Variants in RCVRN observed in about 807,000 individuals in gnomAD.
RCVRN encodes recoverin.
RCVRN carries 23 observed loss-of-function variants against 20.4 expected under a neutral mutation model. The observed-to-expected ratio is 1.13, with a 90% confidence interval of 0.81 to 1.60. The LOEUF (loss-of-function observed/expected upper bound fraction) is 1.60. RCVRN is among the 40% of genes most tolerant of loss of function. The probability of loss-of-function intolerance (pLI) is 0.00; values close to 1 mark genes in which losing one functional copy is unlikely to be tolerated. For synonymous variants in RCVRN, 105 were observed against 105.9 expected, an observed-to-expected ratio of 0.99 and a Z score of 0.05; for missense variants, 254 against 254.2, an observed-to-expected ratio of 1.00 and a Z score of 0.00.
chr17:9,901,567 G>C (rs1012285192), intron 1 of RCVRN, among the ~76,000 whole-genome samples: 5 of 152,202 alleles, frequency 3.3e-5, no homozygotes, highest in Admixed American at 2.6e-4. Context: ...CCTGGTGCTG[G>C]ATAAAGGAGT....
chr17:9,898,202 T>C lies in RCVRN; in HGVS notation c.496A>G (p.Lys166Glu). Reference protein sequence around the residue: ...WKYFGKNDDDKLTEKEFIEGT... With the variant: ...WKYFGKNDDDELTEKEFIEGT... ...TCAATGAATTCTTTCTCTGTAAGTTTATCTGTGCATTGGGAAAAAATATAT... is the reference window on the plus strand; with the variant it reads ...TCAATGAATTCTTTCTCTGTAAGTTCATCTGTGCATTGGGAAAAAATATAT... The change falls in exon 3 of 3, where the codon AAA becomes GAA. Residue 166 changes from lysine (K) to glutamate (E), a missense_variant and splice_region_variant. Lys to Glu is a moderately conservative substitution (Grantham distance 56). Transcript: ENST00000226193. 6.3e-7 allele frequency: 1 copy of C among 1,598,798 alleles called. No individual in the cohort carries two copies.
rs2067326243 is a variant in RCVRN at position 9,898,073 on chromosome 17, G to C, written c.*22C>G. 1 of 1,547,700 alleles carries C rather than the reference G, an allele frequency of 6.5e-7. No individual in the cohort carries two copies. The highest frequency in any genetic ancestry group is 8.9e-7 in the Non-Finnish European group (1 of 1,119,776). On this transcript the variant is annotated 3_prime_UTR_variant, in exon 3 of 3. Coordinates refer to ENST00000226193, the MANE Select transcript of RCVRN (RefSeq NM_002903.3). ...GTGTCATGTGAGTGGTAGGTGGAGGGAGGACAGCTGAACAGTTGGCATCAG... is the reference window on the plus strand; with the variant it reads ...GTGTCATGTGAGTGGTAGGTGGAGGCAGGACAGCTGAACAGTTGGCATCAG...
rs1298622689 is a variant in RCVRN, at chr17:9,899,178, C to T, written c.494-974G>A. Among the ~76,000 whole-genome samples the T allele has an allele frequency of 6.6e-6, 1 of 152,180 alleles. No individual in the cohort carries two copies. Among genetic ancestry groups the T allele is most frequent in the Non-Finnish European group, 1.5e-5 (1 of 68,014 alleles). On this transcript the variant is annotated intron_variant, in intron 2 of 2. Coordinates refer to ENST00000226193, the MANE Select transcript of RCVRN (RefSeq NM_002903.3). The surrounding 1 kb of genome is among the most constrained non-coding windows in gnomAD (Gnocchi z 4.6). ...CACAGTGCCTAGCACAGAGTCGGTG[C>T]TCAACAAAGCTTTGCTGAACTGAAT...
At chr17:9,903,244 T>C (rs549988061) in intron 1 of RCVRN, among the ~76,000 whole-genome samples, 104 of 152,358 alleles carry the variant, frequency 6.8e-4, no homozygotes, top group Admixed American at 6.8e-3. Context: ...GTTACTTTTA[T>C]ATCAGATAAA....
chr17:9,901,350 A>G, intron 1 of RCVRN: 1 of 368,296 alleles, frequency 2.7e-6, no homozygotes, highest in Non-Finnish European at 4.9e-6. Flanking sequence ...AACAAGCAGG[A>G]TAGCATCACA....
chr17:9,905,099 G>GCTC lies in RCVRN; in HGVS notation c.79_81dup (p.Glu27dup). The GCTC allele has an allele frequency of 6.2e-7, 1 of 1,610,190 alleles. No homozygotes were observed. The highest frequency in any genetic ancestry group is 8.5e-7 in the Non-Finnish European group (1 of 1,178,306). Reference sequence around the variant, plus strand: ...AGGAAGGACTGGTACCAGGAGCACAGCTCCTCCTCCGAGAACTTGGTGTTC... The same window carrying GCTC: ...AGGAAGGACTGGTACCAGGAGCACAGCTCCTCCTCCTCCGAGAACTTGGTGTTC... On this transcript the variant is annotated inframe_insertion, in exon 1 of 3. Coordinates refer to ENST00000226193, the MANE Select transcript of RCVRN (RefSeq NM_002903.3).
At position 9,905,223 on chromosome 17, in the gene RCVRN, G is replaced by A. The variant is rs1432221497; in HGVS notation, c.-43C>T. 6.4e-7 allele frequency: 1 copy of A among 1,553,380 alleles called. No individual in the cohort carries two copies. Among genetic ancestry groups the A allele is most frequent in the South Asian group, 1.2e-5 (1 of 80,632 alleles). ...CAGCGGCTGGGGAGTCGCTGGGTGG[G>A]TGGGACGTGCGTGGTCCCCTGGCCG... On this transcript the variant is annotated 5_prime_UTR_variant, in exon 1 of 3. Transcript: ENST00000226193.
In RCVRN at chr17:9,898,307, G is replaced by C; in HGVS notation, c.494-103C>G. On this transcript the variant is annotated intron_variant, in intron 2 of 2. Transcript: ENST00000226193. The stretch of plus-strand genomic sequence containing the variant: ...TCTAGCCAGTATCCCCAGTGTGAAT[G>C]TATCTATTATAAGAATATTGAATAC... 4.0e-6 allele frequency: 3 copies of C among 746,546 alleles called. No individual in the cohort carries two copies. The South Asian group carries it at 4.4e-5, about 11-fold the overall frequency. The allele number at this position is 746,546 out of a possible 1,614,324, so 46.2% of individuals were successfully genotyped here.
chr17:9,904,692 C>A lies in RCVRN; in HGVS notation c.381+108G>T. 1 of 1,308,738 alleles carries A rather than the reference C, an allele frequency of 7.6e-7. No homozygotes were observed. The highest frequency in any genetic ancestry group is 1.1e-6 in the Non-Finnish European group (1 of 938,598). 81.1% of individuals were successfully genotyped at this position (1,308,738 alleles called of 1,614,324 possible). A position where few individuals can be genotyped will look rare whatever the true frequency, so the allele number is the denominator to read the frequency against. On this transcript the variant is annotated intron_variant, in intron 1 of 2. Coordinates refer to ENST00000226193, the MANE Select transcript of RCVRN (RefSeq NM_002903.3). This position sits in a 1 kb window ranked among gnomAD's most constrained non-coding sequence, Gnocchi z 5.8. ...GCTCTCAGAGCCAGTGGCCCGCATC[C>A]CCCGCTCCACCCACAGATCCACTCC...
Position 9,898,065 on chromosome 17 carries a change from G to A in RCVRN, c.*30C>T, listed in dbSNP as rs750490916. 14 of 1,484,466 alleles carry A rather than the reference G, an allele frequency of 9.4e-6. No individual in the cohort carries two copies. 92.0% of individuals were successfully genotyped at this position (1,484,466 alleles called of 1,614,324 possible). ...GCTCACGGGTGTCATGTGAGTGGTA[G>A]GTGGAGGGAGGACAGCTGAACAGTT... On this transcript the variant is annotated 3_prime_UTR_variant, in exon 3 of 3. Coordinates refer to ENST00000226193, the MANE Select transcript of RCVRN (RefSeq NM_002903.3).
In RCVRN at chr17:9,904,767, C is replaced by T. The variant is rs373497820; in HGVS notation, c.381+33G>A. ...CCCCCAGCCCGGAGCGACCCCGGCACCGCCCAGCCAGAAGGGGAGAGGGGA... is the reference window on the plus strand; with the variant it reads ...CCCCCAGCCCGGAGCGACCCCGGCATCGCCCAGCCAGAAGGGGAGAGGGGA... On this transcript the variant is annotated intron_variant, in intron 1 of 2. Transcript: ENST00000226193. This position sits in a 1 kb window ranked among gnomAD's most constrained non-coding sequence, Gnocchi z 5.8. The T allele has an allele frequency of 8.8e-5, 141 of 1,593,416 alleles. No individual in the cohort carries two copies. Among genetic ancestry groups the T allele is most frequent in the Non-Finnish European group, 1.1e-4 (133 of 1,167,696 alleles).
rs1247312172 is a variant in RCVRN at position 9,899,451 on chromosome 17, C to T, written c.494-1247G>A. The stretch of plus-strand genomic sequence containing the variant: ...ATCACGAACAGGAGTAACACGTCGA[C>T]CTCGGGGCTTCTGACGTCATCCCCT... On this transcript the variant is annotated intron_variant, in intron 2 of 2. Coordinates refer to ENST00000226193, the MANE Select transcript of RCVRN (RefSeq NM_002903.3). This position sits in a 1 kb window ranked among gnomAD's most constrained non-coding sequence, Gnocchi z 4.6. Among the ~76,000 whole-genome samples the T allele has an allele frequency of 1.3e-5, 2 of 152,210 alleles. No individual in the cohort carries two copies. Among genetic ancestry groups the T allele is most frequent in the African/African-American group, 2.4e-5 (1 of 41,438 alleles).
rs150159863 is a variant in RCVRN, at chr17:9,897,982, A to ATGTGTGTGTGTG, written c.*101_*112dup. The ATGTGTGTGTGTG allele has an allele frequency of 3.1e-6, 2 of 652,044 alleles. No individual in the cohort carries two copies. The highest frequency in any genetic ancestry group is 5.4e-5 in the East Asian group (2 of 36,878). 40.4% of individuals were successfully genotyped at this position (652,044 alleles called of 1,614,324 possible). A position where few individuals can be genotyped will look rare whatever the true frequency, so the allele number is the denominator to read the frequency against. On this transcript the variant is annotated 3_prime_UTR_variant, in exon 3 of 3. Transcript: ENST00000226193. Reference sequence around the variant, plus strand: ...GGCCTTTCTCTTGGCCCTGGGGTGGATGTGTGTGTGTGTGTGTGCGCGCGC... The same window carrying ATGTGTGTGTGTG: ...GGCCTTTCTCTTGGCCCTGGGGTGGATGTGTGTGTGTGTGTGTGTGTGTGTGTGTGCGCGCGC...
rs376748693 is a variant in RCVRN at position 9,897,999 on chromosome 17, T to TGTGTGTGTGTGC, written c.*95_*96insGCACACACACAC. ...TGGGGTGGATGTGTGTGTGTGTGTGTGCGCGCGCGTGTGTGTGCATGTGTG... is the reference window on the plus strand; with the variant it reads ...TGGGGTGGATGTGTGTGTGTGTGTGTGTGTGTGTGTGCGCGCGCGCGTGTGTGTGCATGTGTG... On this transcript the variant is annotated 3_prime_UTR_variant, in exon 3 of 3. Transcript: ENST00000226193. 122 of 731,200 alleles carry TGTGTGTGTGTGC rather than the reference T, an allele frequency of 1.7e-4. 1 individual carries two copies. The highest frequency in any genetic ancestry group is 1.8e-4 in the Non-Finnish European group (72 of 399,832). The allele number at this position is 731,200 out of a possible 1,614,324, so 45.3% of individuals were successfully genotyped here.
chr17:9,897,968 T>C lies in RCVRN; in HGVS notation c.*127A>G. On this transcript the variant is annotated 3_prime_UTR_variant, in exon 3 of 3. Transcript: ENST00000226193. Reference sequence around the variant, plus strand: ...TGGGCTTGTGTGCAGGCCTTTCTCTTGGCCCTGGGGTGGATGTGTGTGTGT... The same window carrying C: ...TGGGCTTGTGTGCAGGCCTTTCTCTCGGCCCTGGGGTGGATGTGTGTGTGT... 1 of 686,000 alleles carries C rather than the reference T, an allele frequency of 1.5e-6. No individual in the cohort carries two copies. The highest frequency in any genetic ancestry group is 2.6e-6 in the Non-Finnish European group (1 of 378,736). The allele number at this position is 686,000 out of a possible 1,614,324, so 42.5% of individuals were successfully genotyped here. A position where few individuals can be genotyped will look rare whatever the true frequency, so the allele number is the denominator to read the frequency against.
intron 2 of RCVRN, among the ~76,000 whole-genome samples, chr17:9,900,057 A>C (rs2067334673): frequency 6.6e-6 from 1 of 151,988 alleles, no homozygotes; most frequent in African/African-American, 2.4e-5. Flanking sequence ...AAAAAATCAG[A>C]TGATGTCTCA....
chr17:9,904,722 G>T lies in RCVRN; in HGVS notation c.381+78C>A. On this transcript the variant is annotated intron_variant, in intron 1 of 2. Transcript: ENST00000226193. The surrounding 1 kb of genome is among the most constrained non-coding windows in gnomAD (Gnocchi z 5.8). ...CTCCACCCACAGATCCACTCCCTCT[G>T]CAGCAGCTGCAGCAGGGGACCCCCA... The T allele has an allele frequency of 1.3e-6, 2 of 1,509,110 alleles. No homozygotes were observed. Among genetic ancestry groups the T allele is most frequent in the Non-Finnish European group, 1.8e-6 (2 of 1,106,768 alleles). 93.5% of individuals were successfully genotyped at this position (1,509,110 alleles called of 1,614,324 possible).
rs1192584805 is a variant in RCVRN at position 9,899,824 on chromosome 17, T to C, written c.493+1165A>G. ...TACCCCAATGACCTTCATGCTTCTC[T>C]TATTTCATCATTTGTTGGCAGATTA... On this transcript the variant is annotated intron_variant, in intron 2 of 2. Coordinates refer to ENST00000226193, the MANE Select transcript of RCVRN (RefSeq NM_002903.3). This position sits in a 1 kb window ranked among gnomAD's most constrained non-coding sequence, Gnocchi z 4.6. Among the ~76,000 whole-genome samples, 1 of 152,208 alleles carries C rather than the reference T, an allele frequency of 6.6e-6. No homozygotes were observed. Among genetic ancestry groups the C allele is most frequent in the African/African-American group, 2.4e-5 (1 of 41,452 alleles).
Position 9,897,938 on chromosome 17 carries a change from T to C in RCVRN, c.*157A>G. The stretch of plus-strand genomic sequence containing the variant: ...GATGCTTCAGTTTGGCAGGGAGCTG[T>C]GCTGTGGGCTTGTGTGCAGGCCTTT... On this transcript the variant is annotated 3_prime_UTR_variant, in exon 3 of 3. Transcript: ENST00000226193. The C allele has an allele frequency of 3.2e-6, 2 of 632,488 alleles. No individual in the cohort carries two copies. The highest frequency in any genetic ancestry group is 2.8e-6 in the Non-Finnish European group (1 of 351,466). The allele number at this position is 632,488 out of a possible 1,614,324, so 39.2% of individuals were successfully genotyped here.
Sources: allele counts gnomAD v4.1 joint callset (sites outside exome capture counted in the v4.1 genomes callset), GRCh38; gene constraint gnomAD v4.1.1; non-coding constraint Gnocchi (gnomAD v3.1); transcripts MANE v1.5; gene names NCBI Gene and HGNC (gene_info 2026-07-23, HGNC 2026-07-21).